DCP1A: variants seen among roughly 807,000 people sequenced by gnomAD.
DCP1A encodes the protein mRNA-decapping enzyme 1A.
A neutral mutation model predicts 58.0 loss-of-function variants in DCP1A; 20 were observed. The ratio of observed to expected loss-of-function variants is 0.34; its 90% CI spans 0.24 to 0.50. The LOEUF (loss-of-function observed/expected upper bound fraction) is 0.50. DCP1A is among the 20% of genes least tolerant of loss of function. DCP1A has a pLI of 0.98. For missense variants in DCP1A, 613 were observed against 712.2 expected (o/e 0.86, Z 1.59); for synonymous variants, 285 against 275.1 (o/e 1.04, Z -0.36).
chr3:53,316,644 T>C (rs572173518), intron 4 of DCP1A, among the ~76,000 whole-genome samples: 6 of 145,192 alleles, frequency 4.1e-5, no homozygotes, highest in East Asian at 2.1e-4. Flanking sequence ...AGTCTTGCTA[T>C]ATCAGGCCAG....
intron 3 of DCP1A, among the ~76,000 whole-genome samples, chr3:53,323,075 C>T (rs576427140): frequency 3.3e-5 from 5 of 152,246 alleles, no homozygotes; most frequent in African/African-American, 1.2e-4. Flanking sequence ...CCGCCCACCT[C>T]GGCCTCCCAA....
rs565887187 is a variant in DCP1A, at chr3:53,301,639, T to C, written c.624+2538A>G. Among the ~76,000 whole-genome samples the C allele has an allele frequency of 4.6e-5, 7 of 152,344 alleles. No individual in the cohort carries two copies. In the East Asian group the frequency reaches 1.3e-3, roughly 29 times the overall value. Reference sequence around the variant, plus strand: ...GAAGATTTATGTTCACATAAAAACCTGTACATAAATGTTCATAGGAGCTTT... The same window carrying C: ...GAAGATTTATGTTCACATAAAAACCCGTACATAAATGTTCATAGGAGCTTT... On this transcript the variant is annotated intron_variant, in intron 6 of 9. Coordinates refer to ENST00000610213, the MANE Select transcript of DCP1A (RefSeq NM_018403.7).
chr3:53,306,642 G>A (rs1362165451), intron 5 of DCP1A, among the ~76,000 whole-genome samples: 2 of 151,652 alleles, frequency 1.3e-5, no homozygotes, highest in African/African-American at 4.8e-5. Flanking sequence ...GTGGTGGTGG[G>A]CGCCTGTAGT....
At chr3:53,322,660 C>A (rs905737757) in intron 3 of DCP1A, among the ~76,000 whole-genome samples, 33 of 151,666 alleles carry the variant, frequency 2.2e-4, no homozygotes, top group African/African-American at 7.8e-4. Context: ...CAGGGAAAAA[C>A]CTCTAATTAC....
chr3:53,285,686 C>T lies in DCP1A; in HGVS notation c.*1894G>A, dbSNP rs1352864627. 1.3e-5 allele frequency: 2 copies of T among 152,108 alleles called. No individual in the cohort carries two copies. The highest frequency in any genetic ancestry group is 1.9e-4 in the East Asian group (1 of 5,198). 9.4% of individuals were successfully genotyped at this position (152,108 alleles called of 1,614,324 possible). A position where few individuals can be genotyped will look rare whatever the true frequency, so the allele number is the denominator to read the frequency against. ...TATTACATACTCAAAAGCATAATTT[C>T]GATTCAAGAATCCCTTGATTCGTCT... On this transcript the variant is annotated 3_prime_UTR_variant, in exon 10 of 10. Coordinates refer to ENST00000610213, the MANE Select transcript of DCP1A (RefSeq NM_018403.7).
In DCP1A at chr3:53,314,055, G is replaced by A. The variant is rs371543680; in HGVS notation, c.372-1676C>T. ...CCACCCATTGAATTTTTGTTTGTTT[G>A]TTTTATTTATTTTTTTATTGTACAG... On this transcript the variant is annotated intron_variant, in intron 4 of 9. Coordinates refer to ENST00000610213, the MANE Select transcript of DCP1A (RefSeq NM_018403.7). Among the ~76,000 whole-genome samples the A allele has an allele frequency of 4.0e-5, 6 of 151,532 alleles. No homozygotes were observed. The South Asian group carries it at 1.0e-3, about 26-fold the overall frequency.
rs1706896378 is a variant in DCP1A at position 53,292,047 on chromosome 3, ACC to A, written c.1383+20_1383+21del. The A allele has an allele frequency of 2.8e-6, 4 of 1,430,618 alleles. No homozygotes were observed. The highest frequency in any genetic ancestry group is 3.8e-6 in the Non-Finnish European group (4 of 1,044,786). The allele number at this position is 1,430,618 out of a possible 1,614,324, so 88.6% of individuals were successfully genotyped here. On this transcript the variant is annotated intron_variant, in intron 7 of 9. Transcript: ENST00000610213. ...CCAGTTACAGTTACCCACTCTGCCCACCCCCACCCTCCTGCCATTACCTGAAG... is the reference window on the plus strand; with the variant it reads ...CCAGTTACAGTTACCCACTCTGCCCACCCACCCTCCTGCCATTACCTGAAG...
intron 6 of DCP1A, among the ~76,000 whole-genome samples, chr3:53,295,037 G>C (rs568518047): frequency 6.6e-6 from 1 of 152,294 alleles, no homozygotes; most frequent in East Asian, 1.9e-4. Context: ...TCAGTATGAG[G>C]AGAGGGAGCT....
chr3:53,320,853 T>C (rs782574543), intron 3 of DCP1A, among the ~76,000 whole-genome samples: 2 of 152,236 alleles, frequency 1.3e-5, no homozygotes, highest in African/African-American at 2.4e-5. Flanking sequence ...AAGAGTATTA[T>C]ATTACATAAA....
chr3:53,292,710 C>A lies in DCP1A; in HGVS notation c.742G>T (p.Asp248Tyr), dbSNP rs782789189. The part of the protein sequence containing the change: ...DSEEMERLPG[D>Y]ASQKEPNSFL... ...GAATTGGGCTCTTTCTGGGAGGCAT[C>A]TCCTGGCAACCTCTCCATTTCTTCT... The change falls in exon 7 of 10, where the codon GAT becomes TAT. Residue 248 changes from aspartate to tyrosine, a missense_variant. Coordinates refer to ENST00000610213, the MANE Select transcript of DCP1A (RefSeq NM_018403.7). 3 of 1,613,744 alleles carry A rather than the reference C, an allele frequency of 1.9e-6. No individual in the cohort carries two copies. The African/African-American group carries it at 4.0e-5, about 22-fold the overall frequency.
chr3:53,292,025 G>C, intron 7 of DCP1A, 44 bp downstream of exon 7: 1 of 1,554,318 alleles, frequency 6.4e-7, no homozygotes, highest in Non-Finnish European at 8.7e-7. Flanking sequence ...ATCCCATCCA[G>C]TTACAGTTAC....
At chr3:53,307,024 C>T (rs1174230364) in intron 5 of DCP1A, among the ~76,000 whole-genome samples, 6 of 149,774 alleles carry the variant, frequency 4.0e-5, no homozygotes, top group African/African-American at 1.5e-4. Context: ...GTAACCTTCG[C>T]CTCTTGGGTT....
intron 7 of DCP1A, 131 bp downstream of exon 7, chr3:53,291,938 G>T: frequency 1.0e-6 from 1 of 972,226 alleles, no homozygotes; most frequent in Non-Finnish European, 1.5e-6. Context: ...CTGTCTCCGA[G>T]CCTCTGACAT....
At chr3:53,315,400 C>T (rs1707771147) in intron 4 of DCP1A, among the ~76,000 whole-genome samples, 1 of 151,716 alleles carries the variant, frequency 6.6e-6, no homozygotes, top group Non-Finnish European at 1.5e-5. Flanking sequence ...TAGCTGGGTG[C>T]AGTGGCAGGC....
At chr3:53,340,460 TG>T (rs2089186363) in intron 3 of DCP1A, among the ~76,000 whole-genome samples, 1 of 152,148 alleles carries the variant, frequency 6.6e-6, no homozygotes, top group South Asian at 2.1e-4. Context: ...GAAAAGAACT[TG>T]GGGGTTTCTA....
At chr3:53,290,495 G>A in intron 8 of DCP1A, 1 of 556,578 alleles carries the variant, frequency 1.8e-6, no homozygotes, top group Non-Finnish European at 3.2e-6. Flanking sequence ...ACTCTGCCAG[G>A]ACGGGGTGGG....
At chr3:53,312,419 A>G in intron 4 of DCP1A, 40 bp from the exon 5 acceptor site, 1 of 1,504,068 alleles carries the variant, frequency 6.6e-7, no homozygotes, top group African/African-American at 1.4e-5. Flanking sequence ...GCCTCTTGAA[A>G]CAAAATCTGA....
intron 7 of DCP1A, among the ~76,000 whole-genome samples, chr3:53,291,526 C>T (rs1259510545): frequency 8.6e-5 from 13 of 151,918 alleles, no homozygotes; most frequent in African/African-American, 3.1e-4. Flanking sequence ...TTCTCTATCT[C>T]CATGAGTTCA....
chr3:53,340,176 C>T (rs781944701), intron 3 of DCP1A, among the ~76,000 whole-genome samples: 3 of 152,166 alleles, frequency 2.0e-5, no homozygotes, highest in South Asian at 2.1e-4. Flanking sequence ...CTGCTTGCCT[C>T]GGTCTCCCAA....
Sources: gnomAD v4.1 joint callset for allele counts (sites outside exome capture counted in the v4.1 genomes callset) on GRCh38, gnomAD v4.1.1 for gene constraint, MANE v1.5 for transcripts, NCBI Gene and HGNC (gene_info 2026-07-23, HGNC 2026-07-21) for gene names.